The following ACTR3C variants were observed in gnomAD, a reference collection of about 807,000 sequenced individuals.
The protein encoded by ACTR3C is actin related protein 3C, also known as actin-related protein 3C.
Under a neutral mutation model 26.3 loss-of-function variants are expected in ACTR3C, and 18 were observed. That is an observed-to-expected ratio of 0.68 (90% confidence interval 0.47 to 1.01). ACTR3C has a LOEUF of 1.01. Among genes scored for constraint, ACTR3C ranks in the 50% least tolerant of loss-of-function variants. The pLI is 0.00. For synonymous variants in ACTR3C, 55 were observed against 94.5 expected (o/e 0.58, Z 2.42); for missense variants, 184 against 250.7 (o/e 0.73, Z 1.80).
At chr7:150,135,799 CGAAA>C in the ACTR3C span, among the ~76,000 whole-genome samples, 5 of 95,742 alleles carry the variant, frequency 5.2e-5, no homozygotes, top group South Asian at 1.3e-3. Context: ...GGAAACGAAA[CGAAA>C]GAAAGGAAAG....
the ACTR3C span, among the ~76,000 whole-genome samples, chr7:150,153,107 A>G: frequency 6.6e-6 from 1 of 152,288 alleles, no homozygotes; most frequent in South Asian, 2.1e-4. Flanking sequence ...TAGACCTAAA[A>G]CCATAAAAAC....
the ACTR3C span, among the ~76,000 whole-genome samples, chr7:150,037,067 G>T: frequency 4.4e-5 from 5 of 113,824 alleles, no homozygotes; most frequent in African/African-American, 9.8e-5. Context: ...ACCCTCGCGG[G>T]GGGTGCCTCC....
chr7:149,971,057 G>A, the ACTR3C span, among the ~76,000 whole-genome samples: 1 of 152,192 alleles, frequency 6.6e-6, no homozygotes, highest in East Asian at 1.9e-4. Context: ...GTGTCAAAGT[G>A]GAAATGGACT....
At chr7:150,199,701 AT>A in the ACTR3C span, among the ~76,000 whole-genome samples, 38 of 138,140 alleles carry the variant, frequency 2.8e-4, no homozygotes, top group East Asian at 8.6e-4. Context: ...AAAAAAAAAA[AT>A]AAATGTCATA....
chr7:150,112,063 T>C, the ACTR3C span, among the ~76,000 whole-genome samples: 1 of 149,578 alleles, frequency 6.7e-6, no homozygotes, highest in East Asian at 2.0e-4. Flanking sequence ...GGCTAGATCA[T>C]TCCTCATTTT....
chr7:150,125,255 TA>T, the ACTR3C span, among the ~76,000 whole-genome samples: 1 of 135,000 alleles, frequency 7.4e-6, no homozygotes, highest in East Asian at 2.0e-4. Flanking sequence ...CTCATTGCAG[TA>T]TTTTTTTTTT....
the ACTR3C span, among the ~76,000 whole-genome samples, chr7:149,921,272 C>G: frequency 8.6e-4 from 131 of 152,304 alleles, 2 homozygotes; most frequent in African/African-American, 2.7e-3. Flanking sequence ...GCCTTCTGGA[C>G]TCTTCTCCCA....
the ACTR3C span, among the ~76,000 whole-genome samples, chr7:150,037,593 G>C: frequency 2.6e-5 from 2 of 76,010 alleles, no homozygotes; most frequent in Non-Finnish European, 5.4e-5. Flanking sequence ...AGAGGGACTG[G>C]CTCTCAGTAA....
chr7:150,172,607 C>A, the ACTR3C span, among the ~76,000 whole-genome samples: 5 of 149,940 alleles, frequency 3.3e-5, no homozygotes, highest in African/African-American at 1.0e-4. Flanking sequence ...ATATCAAAAC[C>A]AATCATGCCT....
At chr7:150,053,940 A>C in the ACTR3C span, among the ~76,000 whole-genome samples, 1 of 152,242 alleles carries the variant, frequency 6.6e-6, no homozygotes, top group African/African-American at 2.4e-5. Flanking sequence ...GTCAGCCAGA[A>C]ATAACAAAAT....
the ACTR3C span, among the ~76,000 whole-genome samples, chr7:150,225,321 A>G: frequency 5.9e-5 from 9 of 152,196 alleles, no homozygotes; most frequent in Non-Finnish European, 5.9e-5. Flanking sequence ...ATATTTCTAT[A>G]TTTAATGGTG....
the ACTR3C span, among the ~76,000 whole-genome samples, chr7:150,110,555 A>AGGTGGGG: frequency 2.5e-5 from 1 of 40,550 alleles, no homozygotes; most frequent in African/African-American, 1.1e-4. Context: ...TAAGAGATTC[A>AGGTGGGG]CTCTGGCTGG....
At chr7:149,929,634 C>T in the ACTR3C span, among the ~76,000 whole-genome samples, 5 of 149,494 alleles carry the variant, frequency 3.3e-5, no homozygotes, top group Non-Finnish European at 5.9e-5. Flanking sequence ...CGGGTTCAAG[C>T]GATTCTCCTG....
the ACTR3C span, among the ~76,000 whole-genome samples, chr7:149,985,037 C>T: frequency 1.3e-5 from 2 of 152,080 alleles, no homozygotes; most frequent in Non-Finnish European, 2.9e-5. Flanking sequence ...CCTGCCTACG[C>T]ACCAACACAA....
chr7:150,182,124 A>T, the ACTR3C span, among the ~76,000 whole-genome samples: 3 of 150,654 alleles, frequency 2.0e-5, 1 homozygote, highest in African/African-American at 7.5e-5. Context: ...CTGAGGATCT[A>T]AGTTCATTCC....
the ACTR3C span, among the ~76,000 whole-genome samples, chr7:150,007,476 G>A: frequency 6.6e-6 from 1 of 152,208 alleles, no homozygotes; most frequent in South Asian, 2.1e-4. Context: ...TCTGACACTT[G>A]ATAATTGTGC....
At chr7:150,026,428 G>A in the ACTR3C span, among the ~76,000 whole-genome samples, 8,464 of 152,170 alleles carry the variant, frequency 0.056, 823 homozygotes, top group African/African-American at 0.19. Flanking sequence ...TTATTTCAAA[G>A]AGGATGGATT....
At chr7:150,193,904 T>G in the ACTR3C span, among the ~76,000 whole-genome samples, 2 of 151,008 alleles carry the variant, frequency 1.3e-5, no homozygotes, top group Non-Finnish European at 2.9e-5. Flanking sequence ...GTAAATTGAG[T>G]TAACAGTAGT....
the ACTR3C span, among the ~76,000 whole-genome samples, chr7:150,166,207 C>A: frequency 7.2e-3 from 1,092 of 150,936 alleles, 51 homozygotes; most frequent in African/African-American, 0.026. Context: ...TTAAACTAAG[C>A]AATAGAAAAT....
Sources: allele counts gnomAD v4.1 joint callset (sites outside exome capture counted in the v4.1 genomes callset), GRCh38; gene constraint gnomAD v4.1.1; transcripts MANE v1.5; gene names NCBI Gene and HGNC (gene_info 2026-07-23, HGNC 2026-07-21).